RORA: variants seen among roughly 807,000 people sequenced by gnomAD.
RORA encodes RAR related orphan receptor A.
RORA carries 7 observed loss-of-function variants against 69.5 expected under a neutral mutation model. That is an observed-to-expected ratio of 0.10 (90% confidence interval 0.06 to 0.19). The LOEUF (loss-of-function observed/expected upper bound fraction) is 0.19. RORA is among the 10% of genes least tolerant of loss of function. The pLI is 1.00. For synonymous variants in RORA, 261 were observed against 240.8 expected (o/e 1.08, Z -0.78); for missense variants, 457 against 663.0 (o/e 0.69, Z 3.41).
chr15:61,143,748 C>A (rs1469799918), intron 1 of RORA, among the ~76,000 whole-genome samples: 1 of 152,138 alleles, frequency 6.6e-6, no homozygotes, highest in African/African-American at 2.4e-5. Flanking sequence ...TCCACTCTCA[C>A]TTCTTACATA....
intron 1 of RORA, among the ~76,000 whole-genome samples, chr15:60,917,694 T>C (rs965153679): frequency 6.6e-6 from 1 of 152,228 alleles, no homozygotes; most frequent in African/African-American, 2.4e-5. Flanking sequence ...GGCTGATTTA[T>C]TTACCAGTTA....
intron 1 of RORA, among the ~76,000 whole-genome samples, chr15:60,693,899 C>T (rs902984334): frequency 2.0e-5 from 3 of 152,004 alleles, no homozygotes; most frequent in African/African-American, 7.3e-5. Flanking sequence ...ATGCTATTCC[C>T]ATTAAACTAT....
At chr15:60,969,290 T>C (rs1359327933) in intron 1 of RORA, among the ~76,000 whole-genome samples, 1 of 152,254 alleles carries the variant, frequency 6.6e-6, no homozygotes, top group African/African-American at 2.4e-5. Context: ...ATCAATTCAT[T>C]AGGTAATAAT....
intron 2 of RORA, among the ~76,000 whole-genome samples, chr15:60,664,286 ATG>A (rs1567146740): frequency 6.6e-6 from 1 of 152,096 alleles, no homozygotes; most frequent in Non-Finnish European, 1.5e-5. Flanking sequence ...GGTGGTGAGG[ATG>A]TGTGTGTGAT....
At chr15:61,120,356 CT>C (rs985935554) in intron 1 of RORA, among the ~76,000 whole-genome samples, 1 of 150,970 alleles carries the variant, frequency 6.6e-6, no homozygotes, top group African/African-American at 2.5e-5. Context: ...TTCCAAAGGT[CT>C]GATATGCAAG....
chr15:61,121,327 C>T (rs576953344), intron 1 of RORA, among the ~76,000 whole-genome samples: 1 of 152,122 alleles, frequency 6.6e-6, no homozygotes, highest in Non-Finnish European at 1.5e-5. Context: ...CATATGTCTC[C>T]GAAGAGATCC....
intron 2 of RORA, among the ~76,000 whole-genome samples, chr15:60,584,832 C>T (rs762555959): frequency 3.3e-5 from 5 of 152,156 alleles, no homozygotes; most frequent in Non-Finnish European, 7.4e-5. Flanking sequence ...TTCTGGGTGG[C>T]GCAGTTTGTA....
chr15:60,933,843 T>C (rs752042505), intron 1 of RORA, among the ~76,000 whole-genome samples: 1 of 152,152 alleles, frequency 6.6e-6, no homozygotes, highest in Non-Finnish European at 1.5e-5. Flanking sequence ...GAGGCACTGG[T>C]GCGATCCATT....
At chr15:60,766,839 G>A (rs995010894) in intron 1 of RORA, among the ~76,000 whole-genome samples, 14 of 152,052 alleles carry the variant, frequency 9.2e-5, no homozygotes, top group African/African-American at 3.1e-4. Flanking sequence ...CCCTGGTGTC[G>A]ATGTCTGTAT....
chr15:60,829,039 G>A (rs985210519), intron 1 of RORA, among the ~76,000 whole-genome samples: 24 of 152,212 alleles, frequency 1.6e-4, no homozygotes, highest in East Asian at 1.4e-3. Flanking sequence ...CCCATGGGTC[G>A]GGGGGAGTGA....
chr15:60,542,757 CCT>C (rs1222944430), intron 2 of RORA, among the ~76,000 whole-genome samples: 1 of 151,832 alleles, frequency 6.6e-6, no homozygotes, highest in East Asian at 1.9e-4. Flanking sequence ...CACGGGCACA[CCT>C]CACACACAAG....
intron 1 of RORA, among the ~76,000 whole-genome samples, chr15:61,138,738 G>T (rs2079268419): frequency 6.6e-6 from 1 of 151,410 alleles, no homozygotes; most frequent in Admixed American, 6.6e-5. Context: ...GCTCTGAGGG[G>T]GAAAAAAAGC....
chr15:61,050,841 G>A (rs961332990), intron 1 of RORA, among the ~76,000 whole-genome samples: 1 of 152,164 alleles, frequency 6.6e-6, no homozygotes, highest in Non-Finnish European at 1.5e-5. Context: ...CAGTTTATGG[G>A]TGAGGAAACC....
At chr15:60,764,557 T>C (rs1284519915) in intron 1 of RORA, among the ~76,000 whole-genome samples, 1 of 152,126 alleles carries the variant, frequency 6.6e-6, no homozygotes, top group Admixed American at 6.5e-5. Context: ...TCATTTGGCT[T>C]CTCCAGCTGA....
intron 2 of RORA, among the ~76,000 whole-genome samples, chr15:60,634,399 CTTT>C (rs10604472): frequency 0.066 from 9,438 of 142,652 alleles, 1,006 homozygotes; most frequent in African/African-American, 0.23. Flanking sequence ...AGTGCTACCA[CTTT>C]TTTTTTTTTT....
At chr15:60,964,473 G>A (rs577114333) in intron 1 of RORA, among the ~76,000 whole-genome samples, 199 of 152,258 alleles carry the variant, frequency 1.3e-3, no homozygotes, top group Non-Finnish European at 2.5e-3. Context: ...TGAGGGTGGG[G>A]ATGGAGCAGA....
intron 2 of RORA, among the ~76,000 whole-genome samples, chr15:60,605,200 C>T (rs1194852020): frequency 6.7e-6 from 1 of 149,718 alleles, no homozygotes; most frequent in Non-Finnish European, 1.5e-5. Flanking sequence ...ACCATGAAAA[C>T]TGATAATTTG....
intron 1 of RORA, among the ~76,000 whole-genome samples, chr15:61,116,293 C>G (rs2438127): frequency 0.12 from 18,356 of 152,120 alleles, 1,560 homozygotes; most frequent in African/African-American, 0.23. Flanking sequence ...AATTATCAGA[C>G]CTACTGCCCA....
At position 60,770,607 on chromosome 15, in the gene RORA, C is replaced by T. The variant is rs540658936; in HGVS notation, c.167-91921G>A. On this transcript the variant is annotated intron_variant, in intron 1 of 10. Coordinates refer to ENST00000335670, the MANE Select transcript of RORA (RefSeq NM_134261.3). ...TGTAGGATGAGTGAGGTTTCGTGCTCCTTTACGTTTGTTTGTTTTTTAGAG... is the reference window on the plus strand; with the variant it reads ...TGTAGGATGAGTGAGGTTTCGTGCTTCTTTACGTTTGTTTGTTTTTTAGAG... 7.0e-4 allele frequency among the ~76,000 whole-genome samples: 106 copies of T among 152,178 alleles called. No individual in the cohort carries two copies. The Middle Eastern group carries it at 0.014, about 20-fold the overall frequency.
Sources: gnomAD v4.1 joint callset for allele counts (sites outside exome capture counted in the v4.1 genomes callset) on GRCh38, gnomAD v4.1.1 for gene constraint, MANE v1.5 for transcripts, NCBI Gene and HGNC (gene_info 2026-07-23, HGNC 2026-07-21) for gene names.